Variants in MYO3B observed in about 807,000 individuals in gnomAD.
MYO3B encodes the protein myosin-IIIb.
MYO3B carries 156 observed loss-of-function variants against 174.6 expected under a neutral mutation model. The ratio of observed to expected loss-of-function variants is 0.89; its 90% CI spans 0.78 to 1.02. The LOEUF (loss-of-function observed/expected upper bound fraction) is 1.02. Among genes scored for constraint, MYO3B ranks in the 50% least tolerant of loss-of-function variants. MYO3B has a pLI of 0.00. For synonymous variants in MYO3B, 563 were observed against 569.1 expected, an observed-to-expected ratio of 0.99 and a Z score of 0.15; for missense variants, 1,632 against 1,639.4, an observed-to-expected ratio of 1.00 and a Z score of 0.08.
At chr2:170,519,895 C>T (rs1688560964) in intron 30 of MYO3B, 1 of 186,942 alleles carries the variant, frequency 5.3e-6, no homozygotes, top group Non-Finnish European at 1.1e-5. Flanking sequence ...ATCACTTGAA[C>T]CATGGAGGTG....
intron 7 of MYO3B, among the ~76,000 whole-genome samples, chr2:170,320,924 A>G (rs2093821202): frequency 1.3e-5 from 2 of 152,208 alleles, no homozygotes; most frequent in Non-Finnish European, 1.5e-5. Flanking sequence ...AACAATTTTC[A>G]AAGTACTGTA....
intron 23 of MYO3B, among the ~76,000 whole-genome samples, chr2:170,449,499 T>C (rs760373224): frequency 6.6e-6 from 1 of 152,166 alleles, no homozygotes; most frequent in Non-Finnish European, 1.5e-5. Context: ...TTTTCTTGGC[T>C]GAACACAGTG....
rs1205239774 is a variant in MYO3B, at chr2:170,388,229, C to T, written c.1577+921C>T. ...TAAATAAAAAAGATTCTTGTATTCA[C>T]GGGGCTTAGAGTATGCGGTATATGA... On this transcript the variant is annotated intron_variant, in intron 14 of 34. Coordinates refer to ENST00000408978, the MANE Select transcript of MYO3B (RefSeq NM_138995.5). Among the ~76,000 whole-genome samples the T allele has an allele frequency of 4.6e-5, 7 of 152,078 alleles. No homozygotes were observed. In the East Asian group the frequency reaches 7.7e-4, roughly 17 times the overall value.
chr2:170,324,428 G>A (rs763734944), intron 7 of MYO3B, among the ~76,000 whole-genome samples: 3 of 152,216 alleles, frequency 2.0e-5, no homozygotes, highest in Admixed American at 6.5e-5. Context: ...GTCTTTTTAA[G>A]TAGGGGAAGA....
intron 14 of MYO3B, 123 bp downstream of exon 14, chr2:170,387,431 G>A: frequency 1.1e-6 from 1 of 872,668 alleles, no homozygotes; most frequent in Non-Finnish European, 1.8e-6. Flanking sequence ...CAAGGGCAAA[G>A]AATTATTTAA....
At chr2:170,189,787 C>T (rs1224864554) in intron 1 of MYO3B, among the ~76,000 whole-genome samples, 1 of 152,098 alleles carries the variant, frequency 6.6e-6, no homozygotes, top group Non-Finnish European at 1.5e-5. Context: ...TTTGAATTCT[C>T]TGCCTGAAAG....
chr2:170,352,140 ACGGGGTTTCAC>A (rs2094077603), intron 8 of MYO3B, among the ~76,000 whole-genome samples: 1 of 152,018 alleles, frequency 6.6e-6, no homozygotes, highest in Non-Finnish European at 1.5e-5. Flanking sequence ...TTTAGTAGAG[ACGGGGTTTCAC>A]CGTGTTGGCC....
intron 30 of MYO3B, among the ~76,000 whole-genome samples, chr2:170,524,230 G>A (rs1292093381): frequency 6.6e-6 from 1 of 152,024 alleles, no homozygotes; most frequent in Non-Finnish European, 1.5e-5. Flanking sequence ...CTCACTCTAT[G>A]TTACAGATAA....
intron 1 of MYO3B, among the ~76,000 whole-genome samples, chr2:170,182,047 A>G (rs1291349220): frequency 6.6e-6 from 1 of 152,052 alleles, no homozygotes; most frequent in East Asian, 1.9e-4. Context: ...TATACTCTTG[A>G]TAGAAAATTA....
chr2:170,391,946 G>A (rs2094414604), intron 15 of MYO3B, among the ~76,000 whole-genome samples: 1 of 151,894 alleles, frequency 6.6e-6, no homozygotes, highest in Non-Finnish European at 1.5e-5. Flanking sequence ...CTTGAAGCCT[G>A]GAGTTTGAGA....
At chr2:170,391,648 T>G (rs2094412876) in intron 15 of MYO3B, 30 bp downstream of exon 15, 4 of 1,270,024 alleles carry the variant, frequency 3.1e-6, no homozygotes, top group Non-Finnish European at 4.5e-6. Context: ...GTTGTTAATT[T>G]TTGATGAATG....
At chr2:170,650,110 GC>G (rs1186037406) in intron 32 of MYO3B, 1 of 123,486 alleles carries the variant, frequency 8.1e-6, no homozygotes, top group Non-Finnish European at 1.6e-5. Flanking sequence ...TTGGCTTACT[GC>G]AACCTCTGCC....
At chr2:170,339,767 T>G (rs1440801509) in intron 8 of MYO3B, among the ~76,000 whole-genome samples, 1 of 152,242 alleles carries the variant, frequency 6.6e-6, no homozygotes, top group Non-Finnish European at 1.5e-5. Flanking sequence ...AATTGATTCA[T>G]TTATATTCAT....
chr2:170,607,600 G>T (rs564069527), intron 32 of MYO3B, among the ~76,000 whole-genome samples: 1 of 152,274 alleles, frequency 6.6e-6, no homozygotes, highest in South Asian at 2.1e-4. Context: ...GGCACTTCAG[G>T]GATAGGAACA....
intron 22 of MYO3B, among the ~76,000 whole-genome samples, chr2:170,409,669 T>C (rs1314766111): frequency 6.6e-6 from 1 of 152,272 alleles, no homozygotes; most frequent in Non-Finnish European, 1.5e-5. Context: ...GAACAGCTTC[T>C]AGTAATAAGG....
intron 8 of MYO3B, among the ~76,000 whole-genome samples, chr2:170,367,039 C>T (rs1181283695): frequency 6.6e-6 from 1 of 152,066 alleles, no homozygotes; most frequent in Non-Finnish European, 1.5e-5. Flanking sequence ...AGAGGCAGCT[C>T]CAGCTCACTT....
chr2:170,214,849 GT>G, intron 5 of MYO3B, 21 bp downstream of exon 5: 7 of 1,585,210 alleles, frequency 4.4e-6, no homozygotes, highest in Non-Finnish European at 6.1e-6. Context: ...CTTGTCGTTT[GT>G]TTTCTTGACG....
chr2:170,309,160 T>G (rs1271203339), intron 7 of MYO3B, among the ~76,000 whole-genome samples: 2 of 152,118 alleles, frequency 1.3e-5, no homozygotes, highest in African/African-American at 2.4e-5. Flanking sequence ...TATGTGAAAA[T>G]TTTAAGTAGA....
intron 1 of MYO3B, among the ~76,000 whole-genome samples, chr2:170,179,129 G>T (rs1409178341): frequency 6.6e-6 from 1 of 152,132 alleles, no homozygotes; most frequent in Admixed American, 6.5e-5. Flanking sequence ...GGCTTAATAG[G>T]TGCAGCCAAC....
Sources: gnomAD v4.1 joint callset for allele counts (sites outside exome capture counted in the v4.1 genomes callset) on GRCh38, gnomAD v4.1.1 for gene constraint, MANE v1.5 for transcripts, NCBI Gene and HGNC (gene_info 2026-07-23, HGNC 2026-07-21) for gene names.